Variants in TMEM65 observed in about 807,000 individuals in gnomAD.
The protein encoded by TMEM65 is transmembrane protein 65.
TMEM65 carries 22 observed loss-of-function variants against 25.4 expected under a neutral mutation model. The ratio of observed to expected loss-of-function variants is 0.86; its 90% confidence interval spans 0.62 to 1.23. The LOEUF (loss-of-function observed/expected upper bound fraction) is 1.23. Among genes scored for constraint, TMEM65 ranks in the 50% most tolerant of loss-of-function variants. The pLI is 0.00. For missense variants in TMEM65, 262 were observed against 308.2 expected (o/e 0.85, Z 1.12); for synonymous variants, 132 against 126.2 (o/e 1.05, Z -0.31).
chr8:124,352,351 A>G (rs1255629752), intron 1 of TMEM65, among the ~76,000 whole-genome samples: 3 of 152,094 alleles, frequency 2.0e-5, no homozygotes, highest in Non-Finnish European at 4.4e-5. Flanking sequence ...AATCCAGAGA[A>G]ATAGGGCATT....
chr8:124,345,063 T>C (rs1433191657), intron 1 of TMEM65, among the ~76,000 whole-genome samples: 1 of 152,198 alleles, frequency 6.6e-6, no homozygotes, highest in Non-Finnish European at 1.5e-5. Context: ...GCTGCCTCCA[T>C]ATGTAGCAAA....
intron 1 of TMEM65, among the ~76,000 whole-genome samples, chr8:124,352,475 CATAAAATAAAATAAAATAAA>C (rs202063585): frequency 0.045 from 5,737 of 127,876 alleles, 411 homozygotes; most frequent in African/African-American, 0.15. Flanking sequence ...AATTTACTAT[CATAAAATAAAATAAAATAAA>C]ATAAAATAAA....
intron 4 of TMEM65, 74 bp from the exon 5 acceptor site, chr8:124,322,221 T>G (rs2131197596): frequency 8.6e-7 from 1 of 1,160,854 alleles, no homozygotes; most frequent in East Asian, 2.6e-5. Flanking sequence ...AATAAAGCAC[T>G]GATCTTGGAA....
chr8:124,370,837 CTACCAAGTTTAGAGAGGAGAGTAAACTT>C (rs1815002531), intron 1 of TMEM65, among the ~76,000 whole-genome samples: 1 of 152,160 alleles, frequency 6.6e-6, no homozygotes, highest in South Asian at 2.1e-4. Flanking sequence ...GTTTATGTAC[CTACCAAGTTTAGAGAGGAGAGTAAACTT>C]TTTTAAAACT....
At chr8:124,352,703 G>A (rs1002436176) in intron 1 of TMEM65, among the ~76,000 whole-genome samples, 5 of 152,022 alleles carry the variant, frequency 3.3e-5, no homozygotes, top group African/African-American at 1.2e-4. Context: ...CAAAAGCCAT[G>A]AGGAAGAAAT....
intron 1 of TMEM65, among the ~76,000 whole-genome samples, chr8:124,343,013 A>C (rs1376839180): frequency 6.6e-6 from 1 of 152,166 alleles, no homozygotes; most frequent in Non-Finnish European, 1.5e-5. Context: ...TTTATAGGGT[A>C]TTTCTGGAGA....
At chr8:124,342,626 T>G (rs889766645) in intron 1 of TMEM65, among the ~76,000 whole-genome samples, 1 of 152,134 alleles carries the variant, frequency 6.6e-6, no homozygotes, top group Non-Finnish European at 1.5e-5. Flanking sequence ...CATGGGCTCA[T>G]GGAAAGCCTG....
At chr8:124,360,272 T>C (rs1335754739) in intron 1 of TMEM65, among the ~76,000 whole-genome samples, 2 of 151,768 alleles carry the variant, frequency 1.3e-5, no homozygotes, top group East Asian at 3.9e-4. Flanking sequence ...CTACTAAAAA[T>C]GCAAAAAATT....
intron 1 of TMEM65, among the ~76,000 whole-genome samples, chr8:124,360,256 C>CA (rs1180373206): frequency 7.9e-5 from 12 of 151,966 alleles, no homozygotes; most frequent in African/African-American, 2.9e-4. Flanking sequence ...TGGTGAAACT[C>CA]AGTCTCTACT....
At chr8:124,363,698 G>A (rs556505521) in intron 1 of TMEM65, among the ~76,000 whole-genome samples, 242 of 151,272 alleles carry the variant, frequency 1.6e-3, no homozygotes, top group African/African-American at 5.2e-3. Flanking sequence ...TTAGCCGGGC[G>A]TAGTGGCGGG....
chr8:124,336,223 C>G (rs1464623746), intron 1 of TMEM65, among the ~76,000 whole-genome samples: 3 of 151,966 alleles, frequency 2.0e-5, no homozygotes, highest in Non-Finnish European at 4.4e-5. Context: ...GATGCTGAAT[C>G]TAACAGAATT....
chr8:124,370,640 G>A (rs1370931578), intron 1 of TMEM65, among the ~76,000 whole-genome samples: 3 of 152,148 alleles, frequency 2.0e-5, no homozygotes, highest in Non-Finnish European at 4.4e-5. Flanking sequence ...AACTGAGGGG[G>A]AAAACATCTG....
intron 1 of TMEM65, among the ~76,000 whole-genome samples, chr8:124,344,360 TA>T (rs752213292): frequency 7.2e-5 from 11 of 152,208 alleles, no homozygotes; most frequent in Non-Finnish European, 1.6e-4. Flanking sequence ...TCTGGTAAAA[TA>T]CTCCTTCCCT....
chr8:124,340,357 G>A (rs962331191), intron 1 of TMEM65, among the ~76,000 whole-genome samples: 4 of 152,036 alleles, frequency 2.6e-5, no homozygotes, highest in African/African-American at 9.7e-5. Context: ...AAGTGTATAA[G>A]AATGCTATCT....
At position 124,356,449 on chromosome 8, in the gene TMEM65, G is replaced by C. The variant is rs142921426; in HGVS notation, c.304+15405C>G. Among the ~76,000 whole-genome samples the C allele has an allele frequency of 2.2e-3, 335 of 152,268 alleles. 2 individuals are homozygous for C. The highest frequency in any genetic ancestry group is 7.6e-3 in the African/African-American group (315 of 41,548). On this transcript the variant is annotated intron_variant, in intron 1 of 6. Transcript: ENST00000297632. Reference sequence around the variant, plus strand: ...CACATTTCTGACTTATGAGTAAAGAGATGACCTCAGATAAAATCAAGCTAT... The same window carrying C: ...CACATTTCTGACTTATGAGTAAAGACATGACCTCAGATAAAATCAAGCTAT...
intron 1 of TMEM65, among the ~76,000 whole-genome samples, chr8:124,355,001 C>T (rs1405770602): frequency 6.6e-6 from 1 of 152,020 alleles, no homozygotes; most frequent in Non-Finnish European, 1.5e-5. Flanking sequence ...GGGAAAAACA[C>T]AGGAGAACAA....
intron 1 of TMEM65, among the ~76,000 whole-genome samples, chr8:124,360,104 G>C (rs536717973): frequency 6.6e-6 from 1 of 152,082 alleles, no homozygotes; most frequent in Non-Finnish European, 1.5e-5. Flanking sequence ...TGGCTATTTT[G>C]AAACTCTTCT....
chr8:124,348,015 C>T (rs1814660077), intron 1 of TMEM65, among the ~76,000 whole-genome samples: 1 of 151,698 alleles, frequency 6.6e-6, no homozygotes, highest in Non-Finnish European at 1.5e-5. Flanking sequence ...CTCGGTGTCC[C>T]GAGAAGCTGG....
intron 1 of TMEM65, among the ~76,000 whole-genome samples, chr8:124,357,764 G>A (rs1361070751): frequency 4.0e-5 from 6 of 148,722 alleles, no homozygotes; most frequent in East Asian, 2.0e-4. Context: ...GCAGTAAGTA[G>A]TAAGTAGGAA....
Sources: allele counts gnomAD v4.1 joint callset (sites outside exome capture counted in the v4.1 genomes callset), GRCh38; gene constraint gnomAD v4.1.1; transcripts MANE v1.5; gene names NCBI Gene and HGNC (gene_info 2026-07-23, HGNC 2026-07-21).